The following LIPA variants were observed in gnomAD, a reference collection of about 807,000 sequenced individuals.
LIPA encodes lipase A, lysosomal acid type.
LIPA carries 26 observed loss-of-function variants against 40.6 expected under a neutral mutation model. That is an observed-to-expected ratio of 0.64 (90% CI 0.47 to 0.89). LIPA has a LOEUF of 0.89. LIPA is among the 40% of genes least tolerant of loss of function. The pLI, the probability that LIPA is intolerant of heterozygous loss-of-function variation, is 0.00. For synonymous variants in LIPA, 188 were observed against 168.4 expected (o/e 1.12, Z -0.90); for missense variants, 455 against 479.6 (o/e 0.95, Z 0.48).
chr10:89,276,234 C>T (rs1020910192), intron 1 of LIPA, among the ~76,000 whole-genome samples: 6 of 152,186 alleles, frequency 3.9e-5, no homozygotes, highest in Admixed American at 6.5e-5. Context: ...GGCCCTCACT[C>T]ACTTCACCCT....
chr10:89,242,474 C>T (rs976995105), intron 3 of LIPA, among the ~76,000 whole-genome samples: 1 of 152,164 alleles, frequency 6.6e-6, no homozygotes. Context: ...GAACAGGAAG[C>T]CTGGCAGAGA....
At chr10:89,220,510 A>G (rs1327382011) in intron 8 of LIPA, among the ~76,000 whole-genome samples, 3 of 152,180 alleles carry the variant, frequency 2.0e-5, no homozygotes, top group Non-Finnish European at 4.4e-5. Flanking sequence ...AAAATCCTCA[A>G]TCTTTGTGAA....
At chr10:89,383,987 TGAAGCTTCAGGATGAAGGACAG>T (rs1844183975) in intron 2 of LIPA, 2 of 1,614,198 alleles carry the variant, frequency 1.2e-6, no homozygotes, top group Non-Finnish European at 1.7e-6. Context: ...CTCCTTGCCC[TGAAGCTTCAGGATGAAGGACAG>T]GAAGCTGAAG....
intron 1 of LIPA, among the ~76,000 whole-genome samples, chr10:89,298,356 C>T (rs756985493): frequency 1.8e-4 from 28 of 152,296 alleles, no homozygotes; most frequent in African/African-American, 6.0e-4. Context: ...TAAAATGTCA[C>T]GATAGCCTCC....
At chr10:89,344,892 T>C (rs1843905373), upstream of LIPA, among the ~76,000 whole-genome samples, 2 of 152,100 alleles carry the variant, frequency 1.3e-5, no homozygotes, top group South Asian at 2.1e-4. Context: ...TGTAATTGAA[T>C]AGAGAATAAA....
rs527517238 is a variant in LIPA at position 89,258,467 on chromosome 10, A to T, written c.-1-10818T>A. On this transcript the variant is annotated intron_variant, in intron 1 of 5. Transcript: ENST00000282673. The stretch of plus-strand genomic sequence containing the variant: ...TCAAAGTAAAATAACTTTTTTTTCT[A>T]AAAAAAAGACGTTTTATAACCATGA... Among the ~76,000 whole-genome samples the T allele has an allele frequency of 5.3e-5, 8 of 150,244 alleles. 1 individual carries two copies. The highest frequency in any genetic ancestry group is 1.9e-4 in the African/African-American group (8 of 41,384).
chr10:89,294,983 A>G lies in LIPA; in HGVS notation c.-1-47334T>C, dbSNP rs558209177. ...ACAGAGCAAGACTCTGTCTGAAAAG[A>G]AAAAAGAAAAAAAGGAAGAAAGGAA... On this transcript the variant is annotated intron_variant, in intron 1 of 5. Transcript: ENST00000282673. Among the ~76,000 whole-genome samples the G allele has an allele frequency of 2.9e-4, 44 of 149,962 alleles. 1 individual carries two copies. In the South Asian group the frequency reaches 9.2e-3, roughly 31 times the overall value.
chr10:89,273,061 A>C (rs1843273650), intron 1 of LIPA, among the ~76,000 whole-genome samples: 2 of 152,204 alleles, frequency 1.3e-5, no homozygotes, highest in Non-Finnish European at 1.5e-5. Context: ...AAGATAGGTA[A>C]AAGAAAGAAG....
Position 89,383,966 on chromosome 10 carries a change from A to G in LIPA, c.61+28825T>C. ...GTCAGGCTAAATCCAGATGATGTAT[A>G]TATTAGGGTTCTCCTTGCCCTGAAG... is the stretch of plus-strand genomic sequence containing the variant. On this transcript the variant is annotated intron_variant, in intron 2 of 8. Transcript: ENST00000371837. The G allele has an allele frequency of 1.9e-6, 3 of 1,614,210 alleles. No homozygotes were observed. Among genetic ancestry groups the G allele is most frequent in the Non-Finnish European group, 2.5e-6 (3 of 1,180,020 alleles).
At chr10:89,287,308 C>T (rs1843345976) in intron 1 of LIPA, among the ~76,000 whole-genome samples, 1 of 152,192 alleles carries the variant, frequency 6.6e-6, no homozygotes, top group Non-Finnish European at 1.5e-5. Context: ...TTTCAAGGTC[C>T]TGTTTCCCTT....
chr10:89,331,333 G>A (rs1490674908), intron 1 of LIPA, among the ~76,000 whole-genome samples: 1 of 152,044 alleles, frequency 6.6e-6, no homozygotes, highest in Non-Finnish European at 1.5e-5. Context: ...CACTATGCCT[G>A]GTTAATTTTT....
chr10:89,290,270 A>C (rs1432922900), intron 1 of LIPA, among the ~76,000 whole-genome samples: 1 of 152,010 alleles, frequency 6.6e-6, no homozygotes, highest in Non-Finnish European at 1.5e-5. Context: ...AATTCATCCA[A>C]AACCGTATCC....
At chr10:89,404,712 C>T (rs903967474) in intron 2 of LIPA, 5 of 152,182 alleles carry the variant, frequency 3.3e-5, no homozygotes, top group East Asian at 3.8e-4. Context: ...CTCAGCACTT[C>T]GATGGGACGA....
chr10:89,239,662 A>G (rs745890705), intron 3 of LIPA, among the ~76,000 whole-genome samples: 1 of 152,200 alleles, frequency 6.6e-6, no homozygotes, highest in Non-Finnish European at 1.5e-5. Flanking sequence ...AATCACTCTG[A>G]TCACCAGGCA....
chr10:89,260,523 T>G (rs1163881608), intron 1 of LIPA, among the ~76,000 whole-genome samples: 1 of 152,152 alleles, frequency 6.6e-6, no homozygotes, highest in Non-Finnish European at 1.5e-5. Flanking sequence ...GTCTCACCCT[T>G]CATTGCCAGC....
intron 1 of LIPA, among the ~76,000 whole-genome samples, chr10:89,277,428 T>G (rs80227463): frequency 1.2e-4 from 18 of 152,182 alleles, no homozygotes; most frequent in African/African-American, 4.3e-4. Flanking sequence ...GGCACATCGG[T>G]AGGGATCAAT....
chr10:89,316,304 T>C (rs1191609105), intron 1 of LIPA, among the ~76,000 whole-genome samples: 1 of 152,208 alleles, frequency 6.6e-6, no homozygotes, highest in Non-Finnish European at 1.5e-5. Flanking sequence ...AGTCAGGGAA[T>C]TCCCTTTCCT....
At chr10:89,338,641 C>G (rs1399370964) in intron 1 of LIPA, 2 of 1,597,806 alleles carry the variant, frequency 1.3e-6, no homozygotes, top group Non-Finnish European at 1.7e-6. Context: ...TCACAGTGAC[C>G]ATGTTTATTT....
chr10:89,284,245 C>T (rs1399546026), intron 1 of LIPA: 1 of 152,206 alleles, frequency 6.6e-6, no homozygotes, highest in African/African-American at 2.4e-5. Flanking sequence ...CAGGCTGAAA[C>T]GTTCTTAACA....
Sources: gnomAD v4.1 joint callset for allele counts (sites outside exome capture counted in the v4.1 genomes callset) on GRCh38, gnomAD v4.1.1 for gene constraint, MANE v1.5 for transcripts, NCBI Gene and HGNC (gene_info 2026-07-23, HGNC 2026-07-21) for gene names.